Variants in NIM1K observed in about 807,000 individuals in gnomAD.
NIM1K encodes the protein NIM1 serine/threonine protein kinase.
NIM1K carries 35 observed loss-of-function variants against 37.1 expected under a neutral mutation model. The ratio of observed to expected loss-of-function variants is 0.94; its 90% CI spans 0.72 to 1.25. The LOEUF is 1.25. Ranked by LOEUF, NIM1K falls within the 50% of genes most tolerant of loss-of-function variation. The pLI is 0.00. For missense variants in NIM1K, 564 were observed against 548.0 expected (o/e 1.03, Z -0.29); for synonymous variants, 234 against 206.6 (o/e 1.13, Z -1.14).
chr5:43,280,757 A>G lies in NIM1K; in HGVS notation c.*28A>G. The G allele has an allele frequency of 2.0e-6, 3 of 1,520,982 alleles. No homozygotes were observed. Among genetic ancestry groups the G allele is most frequent in the Non-Finnish European group, 2.6e-6 (3 of 1,134,982 alleles). 94.2% of individuals were successfully genotyped at this position (1,520,982 alleles called of 1,614,324 possible). On this transcript the variant is annotated 3_prime_UTR_variant, in exon 4 of 4. Coordinates refer to ENST00000326035, the MANE Select transcript of NIM1K (RefSeq NM_153361.4). Reference sequence around the variant, plus strand: ...TGCACTAGACTGCTTGTAACTAACCAAGATGATTGTTGCTGCTTCTAAATT... The same window carrying G: ...TGCACTAGACTGCTTGTAACTAACCGAGATGATTGTTGCTGCTTCTAAATT...
At chr5:43,274,009 C>T (rs184899607) in intron 2 of NIM1K, among the ~76,000 whole-genome samples, 2 of 152,304 alleles carry the variant, frequency 1.3e-5, no homozygotes, top group East Asian at 3.9e-4. Context: ...ATAGCAGTTT[C>T]TACCACCTAG....
At chr5:43,224,768 C>A (rs1752429641) in intron 1 of NIM1K, among the ~76,000 whole-genome samples, 1 of 150,378 alleles carries the variant, frequency 6.6e-6, no homozygotes, top group African/African-American at 2.4e-5. Context: ...GCGATCTCGG[C>A]TCACTGCAAC....
chr5:43,231,328 A>G (rs918089597), intron 1 of NIM1K, among the ~76,000 whole-genome samples: 9 of 152,120 alleles, frequency 5.9e-5, no homozygotes, highest in South Asian at 2.1e-4. Flanking sequence ...CTCTTCCTCT[A>G]TCTATATCTA....
intron 2 of NIM1K, among the ~76,000 whole-genome samples, chr5:43,255,897 G>C (rs1318996252): frequency 1.3e-5 from 2 of 151,472 alleles, no homozygotes; most frequent in African/African-American, 2.4e-5. Context: ...CTATACATGG[G>C]GGAACTCCAT....
At chr5:43,232,466 G>A in intron 1 of NIM1K, 2 of 1,495,110 alleles carry the variant, frequency 1.3e-6, no homozygotes, top group South Asian at 1.1e-5. Context: ...AGTGATGGAG[G>A]ACACAATTTG....
chr5:43,213,668 A>T (rs1445074455), intron 1 of NIM1K, among the ~76,000 whole-genome samples: 1 of 151,842 alleles, frequency 6.6e-6, no homozygotes, highest in African/African-American at 2.4e-5. Flanking sequence ...TTATTTTTGT[A>T]TTTTTTTAGT....
intron 2 of NIM1K, among the ~76,000 whole-genome samples, chr5:43,269,721 C>A (rs898212916): frequency 6.6e-6 from 1 of 152,032 alleles, no homozygotes; most frequent in Non-Finnish European, 1.5e-5. Flanking sequence ...TGGGTTCATG[C>A]CATTCTCCTG....
At position 43,277,181 on chromosome 5, in the gene NIM1K, G is replaced by A. The variant is rs61734291; in HGVS notation, c.417G>A (p.Val139=). Residue 139 remains valine, a synonymous_variant, in exon 3 of 4, where the codon GTG becomes GTA. Coordinates refer to ENST00000326035, the MANE Select transcript of NIM1K (RefSeq NM_153361.4). ...HHPNIIRLYE[V]VETLSKLHLV... ...CCAACATCATCCGCCTTTACGAAGT[G>A]GTGGAGACCCTATCCAAGCTGCACT... 10,169 of 1,614,090 alleles carry A rather than the reference G, an allele frequency of 6.3e-3. 587 individuals carry two copies. In the African/African-American group the frequency reaches 0.12, roughly 19 times the overall value.
intron 2 of NIM1K, among the ~76,000 whole-genome samples, chr5:43,264,007 C>A (rs182872445): frequency 6.6e-6 from 1 of 152,122 alleles, no homozygotes; most frequent in African/African-American, 2.4e-5. Context: ...AATTTCTGTT[C>A]TTTTACATTT....
Position 43,256,566 on chromosome 5 carries a change from A to G in NIM1K, c.292+10499A>G, listed in dbSNP as rs560494226. Among the ~76,000 whole-genome samples the G allele has an allele frequency of 2.6e-5, 4 of 152,272 alleles. No individual in the cohort carries two copies. The South Asian group carries it at 8.3e-4, about 32-fold the overall frequency. On this transcript the variant is annotated intron_variant, in intron 2 of 3. Transcript: ENST00000326035. ...ATGACACTACAGAGCAGACGTTGTG[A>G]GTGCCTCCCCCATTCCCCCTTGGGC...
In NIM1K at chr5:43,245,700, T is replaced by TC; in HGVS notation, c.-73dup. The TC allele has an allele frequency of 7.1e-7, 1 of 1,414,322 alleles. No homozygotes were observed. Among genetic ancestry groups the TC allele is most frequent in the Non-Finnish European group, 9.6e-7 (1 of 1,045,624 alleles). 87.6% of individuals were successfully genotyped at this position (1,414,322 alleles called of 1,614,324 possible). Reference sequence around the variant, plus strand: ...GCACCTGCTGTCCTCAGTTGGCATCTCCCACCCTCTGAGCCTCTTCTGCTC... The same window carrying TC: ...GCACCTGCTGTCCTCAGTTGGCATCTCCCCACCCTCTGAGCCTCTTCTGCTC... On this transcript the variant is annotated 5_prime_UTR_variant, in exon 2 of 4. Coordinates refer to ENST00000326035, the MANE Select transcript of NIM1K (RefSeq NM_153361.4).
chr5:43,242,491 G>A (rs1752717730), intron 1 of NIM1K, among the ~76,000 whole-genome samples: 1 of 151,906 alleles, frequency 6.6e-6, no homozygotes, highest in South Asian at 2.1e-4. Context: ...TTCTGTCACA[G>A]TTCTCAGGGG....
intron 1 of NIM1K, among the ~76,000 whole-genome samples, chr5:43,201,026 A>G (rs1170513561): frequency 6.6e-6 from 1 of 151,498 alleles, no homozygotes; most frequent in African/African-American, 2.4e-5. Context: ...TTCAGAAGCC[A>G]AGGGAGGAGA....
chr5:43,200,572 T>C (rs1207040807), intron 1 of NIM1K, among the ~76,000 whole-genome samples: 1 of 152,148 alleles, frequency 6.6e-6, no homozygotes, highest in Non-Finnish European at 1.5e-5. Flanking sequence ...AGTGATGAGA[T>C]TACAGGCGTG....
At chr5:43,263,627 C>T (rs959466102) in intron 2 of NIM1K, among the ~76,000 whole-genome samples, 2 of 150,662 alleles carry the variant, frequency 1.3e-5, no homozygotes, top group African/African-American at 4.9e-5. Context: ...TCCTTCAGTT[C>T]TGCTCTGATC....
chr5:43,277,145 G>A lies in NIM1K; in HGVS notation c.381G>A (p.Lys127=), dbSNP rs1185774272. 9 of 1,614,144 alleles carry A rather than the reference G, an allele frequency of 5.6e-6. No homozygotes were observed. Among genetic ancestry groups the A allele is most frequent in the South Asian group, 1.1e-5 (1 of 91,078 alleles). The part of the protein sequence containing the change: ...LLSREISSME[K]LHHPNIIRLY... ...CCCGAGAAATCTCCAGCATGGAAAA[G>A]CTGCACCATCCCAACATCATCCGCC... The change falls in exon 3 of 4, where the codon AAG becomes AAA. Residue 127 remains lysine (K), a synonymous_variant. Coordinates refer to ENST00000326035, the MANE Select transcript of NIM1K (RefSeq NM_153361.4).
At chr5:43,248,250 T>C (rs748912676) in intron 2 of NIM1K, among the ~76,000 whole-genome samples, 27 of 152,114 alleles carry the variant, frequency 1.8e-4, no homozygotes, top group Non-Finnish European at 3.7e-4. Flanking sequence ...ACCCTAACAG[T>C]AGGGGAAGTA....
chr5:43,233,026 T>A lies in NIM1K; in HGVS notation c.-694-12056T>A, dbSNP rs777958954. On this transcript the variant is annotated intron_variant, in intron 1 of 3. Coordinates refer to ENST00000326035, the MANE Select transcript of NIM1K (RefSeq NM_153361.4). ...GGAGCCCGTCTCACTGAAGAAGCTG[T>A]TGAAGGAGTCATCTCCTCCCCGAGT... 3.7e-4 allele frequency: 460 copies of A among 1,244,564 alleles called. 2 individuals carry two copies. In the Middle Eastern group the frequency reaches 4.8e-3, roughly 13 times the overall value. The allele number at this position is 1,244,564 out of a possible 1,614,324, so 77.1% of individuals were successfully genotyped here. A position where few individuals can be genotyped will look rare whatever the true frequency, so the allele number is the denominator to read the frequency against.
In NIM1K at chr5:43,277,811, T is replaced by TGAGA. The variant is rs1435200841; in HGVS notation, c.561+487_561+488insAGAG. Among the ~76,000 whole-genome samples the TGAGA allele has an allele frequency of 2.5e-3, 362 of 146,948 alleles. 1 individual carries two copies. Among genetic ancestry groups the TGAGA allele is most frequent in the African/African-American group, 9.2e-3 (352 of 38,096 alleles). On this transcript the variant is annotated intron_variant, in intron 3 of 3. Transcript: ENST00000326035. The stretch of plus-strand genomic sequence containing the variant: ...GTGTGTGTGTGTGTGTGTGTGTGTG[T>TGAGA]GTGTGAGAGAGAGAGAGAGAGAGAG...
Sources: allele counts gnomAD v4.1 joint callset (sites outside exome capture counted in the v4.1 genomes callset), GRCh38; gene constraint gnomAD v4.1.1; transcripts MANE v1.5; gene names NCBI Gene and HGNC (gene_info 2026-07-23, HGNC 2026-07-21).